Variants in KIF7 observed in about 807,000 individuals in gnomAD.
KIF7 encodes the protein kinesin family member 7.
A neutral mutation model predicts 135.7 loss-of-function variants in KIF7; 104 were observed. The observed-to-expected ratio is 0.77, with a 90% CI of 0.65 to 0.90. KIF7 has a LOEUF of 0.90. Ranked by LOEUF, KIF7 falls within the 40% of genes least tolerant of loss-of-function variation. The probability of loss-of-function intolerance (pLI) is 0.00; values close to 1 mark genes in which losing one functional copy is unlikely to be tolerated. For missense variants in KIF7, 2,005 were observed against 1,839.1 expected (o/e 1.09, Z -1.65); for synonymous variants, 883 against 809.4 (o/e 1.09, Z -1.54).
chr15:89,624,352 A>G (rs776284559), downstream of KIF7: 3 of 1,614,156 alleles, frequency 1.9e-6, no homozygotes, highest in South Asian at 3.3e-5. Context: ...GATGTCACCC[A>G]GCGTAGCTGC....
chr15:89,624,074 C>G, downstream of KIF7: 6 of 1,614,050 alleles, frequency 3.7e-6, no homozygotes, highest in Non-Finnish European at 5.1e-6. Flanking sequence ...CCGAGAGCAG[C>G]AGCCTTCATG....
At chr15:89,624,803 A>G, downstream of KIF7, 2 of 1,614,182 alleles carry the variant, frequency 1.2e-6, no homozygotes, top group Non-Finnish European at 1.7e-6. Flanking sequence ...GATGCTGAGA[A>G]GTCTTCTCTG....
rs1963995399 is a variant in KIF7 at position 89,645,459 on chromosome 15, A to T, written c.1923-8T>A. ...CAGTTGCTGATCCTATTTCTGGAGGACAGAAGCAGGAGGCCATGCTCCTCC... is the reference window on the plus strand; with the variant it reads ...CAGTTGCTGATCCTATTTCTGGAGGTCAGAAGCAGGAGGCCATGCTCCTCC... On this transcript the variant is annotated splice_polypyrimidine_tract_variant and splice_region_variant and intron_variant, in intron 8 of 18. Transcript: ENST00000394412. 6.2e-7 allele frequency: 1 copy of T among 1,603,772 alleles called. No individual in the cohort carries two copies. Among genetic ancestry groups the T allele is most frequent in the South Asian group, 1.1e-5 (1 of 89,954 alleles).
At chr15:89,619,966 T>A in intron 1 of KIF7, 1 of 1,200,700 alleles carries the variant, frequency 8.3e-7, no homozygotes, top group Non-Finnish European at 1.2e-6. Context: ...TAGGTATGTC[T>A]AGTTGAGGTT....
upstream of KIF7, among the ~76,000 whole-genome samples, chr15:89,658,945 AG>A (rs1453820794): frequency 6.6e-6 from 1 of 152,184 alleles, no homozygotes; most frequent in African/African-American, 2.4e-5. Context: ...AAATATTATT[AG>A]GGGAGCATCA....
chr15:89,640,250 A>C (rs1248553787), intron 11 of KIF7, among the ~76,000 whole-genome samples: 1 of 152,064 alleles, frequency 6.6e-6, no homozygotes, highest in East Asian at 1.9e-4. Flanking sequence ...TATGTAACTA[A>C]CCTGCACATT....
At chr15:89,631,826 C>A in intron 14 of KIF7, 116 bp from the exon 15 acceptor site, 1 of 875,648 alleles carries the variant, frequency 1.1e-6, no homozygotes, top group Non-Finnish European at 1.7e-6. Flanking sequence ...ACCAACACTC[C>A]AAATGTTCTG....
downstream of KIF7, chr15:89,623,879 C>G (rs188525807): frequency 1.2e-6 from 2 of 1,613,832 alleles, no homozygotes; most frequent in African/African-American, 2.7e-5. Flanking sequence ...TCTCTTGAAA[C>G]GAAGACACCA....
chr15:89,628,572 C>T lies in KIF7; in HGVS notation c.3879G>A (p.Leu1293=). The T allele has an allele frequency of 7.4e-6, 12 of 1,613,542 alleles. No homozygotes were observed. The highest frequency in any genetic ancestry group is 1.3e-5 in the African/African-American group (1 of 75,074). Residue 1293 remains leucine, a synonymous_variant, in exon 19 of 19, where the codon CTG becomes CTA. Transcript: ENST00000394412. ...CGEEQGSPEE[L]RQREAAEPLV... ...GGGGCTCAGCCGCCTCCCGCTGCCT[C>T]AGTTCCTCGGGGGACCCCTGCTCCT...
intron 10 of KIF7, among the ~76,000 whole-genome samples, 188 bp from the exon 11 acceptor site, chr15:89,642,593 G>A (rs982567480): frequency 2.6e-5 from 4 of 152,212 alleles, no homozygotes; most frequent in African/African-American, 9.6e-5. Context: ...TTATTGAGAC[G>A]GAGTTTGCTC....
intron 2 of KIF7, among the ~76,000 whole-genome samples, chr15:89,650,930 T>C (rs969181364): frequency 2.0e-5 from 3 of 151,100 alleles, no homozygotes; most frequent in Non-Finnish European, 3.0e-5. Flanking sequence ...CATGATACAT[T>C]TGTTGTTGTT....
At chr15:89,633,287 G>T in intron 12 of KIF7, 21 bp from the exon 13 acceptor site, 1 of 1,548,636 alleles carries the variant, frequency 6.5e-7, no homozygotes, top group Non-Finnish European at 8.7e-7. Context: ...AGCTCAGTGG[G>T]CAGGGCTGTT....
rs1305466322 is a variant in KIF7 at position 89,629,371 on chromosome 15, T to C, written c.3517+4A>G. ...GGTTGTGAGCCATGGGCCGGGCTGC[T>C]CACCTCGACTCTGCTGCAGGAGCAG... On this transcript the variant is annotated splice_donor_region_variant and intron_variant, in intron 17 of 18. Coordinates refer to ENST00000394412, the MANE Select transcript of KIF7 (RefSeq NM_198525.3). 4 of 1,589,516 alleles carry C rather than the reference T, an allele frequency of 2.5e-6. No homozygotes were observed. The Admixed American group carries it at 6.7e-5, about 27-fold the overall frequency.
intron 11 of KIF7, among the ~76,000 whole-genome samples, chr15:89,634,941 AAG>A (rs1963772090): frequency 6.6e-6 from 1 of 152,202 alleles, no homozygotes; most frequent in Non-Finnish European, 1.5e-5. Flanking sequence ...GACAGCTTTG[AAG>A]AGAGCAGGGG....
At position 89,630,337 on chromosome 15, in the gene KIF7, A is replaced by T; in HGVS notation, c.3268T>A (p.Tyr1090Asn). The T allele has an allele frequency of 6.2e-7, 1 of 1,614,202 alleles. No individual in the cohort carries two copies. The highest frequency in any genetic ancestry group is 8.5e-7 in the Non-Finnish European group (1 of 1,180,036). ...GCTCTGGTCTCTGAGGATGAGAGGT[A>T]GCTGAGCTTGGCCATGAGGTTCATC... ...CEMNLMAKLSYLSSSETRALL... is the reference protein window; with the variant it reads ...CEMNLMAKLSNLSSSETRALL... The change falls in exon 16 of 19, where the codon TAC becomes AAC. Residue 1090 changes from tyrosine (Y) to asparagine (N), a missense_variant. Coordinates refer to ENST00000394412, the MANE Select transcript of KIF7 (RefSeq NM_198525.3).
intron 11 of KIF7, among the ~76,000 whole-genome samples, chr15:89,637,464 G>A (rs549278125): frequency 6.6e-6 from 1 of 152,060 alleles, no homozygotes; most frequent in Non-Finnish European, 1.5e-5. Flanking sequence ...TCAAATAGAT[G>A]CAATAAAAAA....
intron 11 of KIF7, among the ~76,000 whole-genome samples, chr15:89,636,872 A>G (rs1963819291): frequency 6.7e-6 from 1 of 150,086 alleles, no homozygotes; most frequent in African/African-American, 2.5e-5. Context: ...TCAACAGAAT[A>G]TATATTTTTT....
At chr15:89,624,712 A>G, downstream of KIF7, 1 of 1,614,164 alleles carries the variant, frequency 6.2e-7, no homozygotes, top group Non-Finnish European at 8.5e-7. Context: ...CACTCTCCTC[A>G]GTGAAGCCGA....
upstream of KIF7, among the ~76,000 whole-genome samples, chr15:89,655,619 C>T (rs1964198298): frequency 6.6e-6 from 1 of 152,116 alleles, no homozygotes; most frequent in Admixed American, 6.5e-5. Flanking sequence ...AGGGCTGGGC[C>T]TGGAGAGTGT....
Sources: allele counts gnomAD v4.1 joint callset (sites outside exome capture counted in the v4.1 genomes callset), GRCh38; gene constraint gnomAD v4.1.1; transcripts MANE v1.5; gene names NCBI Gene and HGNC (gene_info 2026-07-23, HGNC 2026-07-21).